The following NRG3 variants were observed in gnomAD, a reference collection of about 807,000 sequenced individuals.
NRG3 encodes the protein pro-neuregulin-3, membrane-bound isoform.
NRG3 carries 31 observed loss-of-function variants against 66.9 expected under a neutral mutation model. The observed-to-expected ratio is 0.46, with a 90% CI of 0.35 to 0.63. The LOEUF is 0.63. Among genes scored for constraint, NRG3 ranks in the 20% least tolerant of loss-of-function variants. NRG3 has a pLI of 0.00. For synonymous variants in NRG3, 393 were observed against 359.4 expected (o/e 1.09, Z -1.06); for missense variants, 910 against 878.9 (o/e 1.04, Z -0.45).
At chr10:82,879,958 CTTTTTTT>C (rs35159008) in intron 4 of NRG3, among the ~76,000 whole-genome samples, 13 of 78,442 alleles carry the variant, frequency 1.7e-4, no homozygotes, top group South Asian at 5.2e-4. Context: ...GATTTCATCC[CTTTTTTT>C]TTTTTTTTTT....
At chr10:82,194,062 C>A (rs1256356619) in intron 1 of NRG3, among the ~76,000 whole-genome samples, 1 of 152,100 alleles carries the variant, frequency 6.6e-6, no homozygotes, top group African/African-American at 2.4e-5. Flanking sequence ...GCCAAGAGAA[C>A]CTTTACCAAG....
intron 1 of NRG3, among the ~76,000 whole-genome samples, chr10:82,216,966 A>G (rs964571112): frequency 2.6e-5 from 4 of 152,202 alleles, no homozygotes; most frequent in Non-Finnish European, 5.9e-5. Context: ...TTGTTTCTGC[A>G]GTTCACTCAT....
At chr10:82,175,228 C>G (rs2072938105) in intron 1 of NRG3, among the ~76,000 whole-genome samples, 1 of 152,150 alleles carries the variant, frequency 6.6e-6, no homozygotes, top group Non-Finnish European at 1.5e-5. Context: ...CAAGCTGCTT[C>G]TTTGCTTGCA....
intron 3 of NRG3, among the ~76,000 whole-genome samples, chr10:82,827,939 C>CT (rs1338196856): frequency 1.3e-5 from 2 of 152,096 alleles, no homozygotes; most frequent in African/African-American, 2.4e-5. Context: ...TTTCTTTGAA[C>CT]TTTTTTTAAT....
intron 1 of NRG3, among the ~76,000 whole-genome samples, chr10:82,287,747 T>G (rs1195027574): frequency 6.6e-6 from 1 of 152,028 alleles, no homozygotes; most frequent in Non-Finnish European, 1.5e-5. Flanking sequence ...GGTGAAGGAG[T>G]GGCCACAGCT....
chr10:82,645,352 A>G (rs547025782), intron 2 of NRG3, among the ~76,000 whole-genome samples: 1 of 152,276 alleles, frequency 6.6e-6, no homozygotes, highest in South Asian at 2.1e-4. Context: ...GCATCAGTGA[A>G]TTTCTAATTC....
chr10:82,090,864 A>G (rs992277363), intron 1 of NRG3, among the ~76,000 whole-genome samples: 1 of 152,172 alleles, frequency 6.6e-6, no homozygotes, highest in Non-Finnish European at 1.5e-5. Flanking sequence ...TTTTGTTTGT[A>G]CACTTACATT....
intron 1 of NRG3, among the ~76,000 whole-genome samples, chr10:81,930,316 A>G (rs985952923): frequency 3.3e-5 from 5 of 152,162 alleles, no homozygotes; most frequent in Admixed American, 6.5e-5. Flanking sequence ...TGAGCTTCCC[A>G]TGACGTTCCT....
intron 1 of NRG3, among the ~76,000 whole-genome samples, chr10:82,204,663 G>A (rs2075028451): frequency 6.6e-6 from 1 of 152,086 alleles, no homozygotes; most frequent in Non-Finnish European, 1.5e-5. Flanking sequence ...AGCCCTGGGG[G>A]TATTACATCA....
intron 2 of NRG3, among the ~76,000 whole-genome samples, chr10:82,733,148 A>G (rs1276640830): frequency 2.0e-5 from 3 of 152,230 alleles, no homozygotes; most frequent in Non-Finnish European, 4.4e-5. Flanking sequence ...AGGTCCAAAG[A>G]AGAAAGTATG....
intron 3 of NRG3, among the ~76,000 whole-genome samples, chr10:82,787,434 T>C (rs551145682): frequency 4.1e-4 from 62 of 152,246 alleles, no homozygotes; most frequent in Non-Finnish European, 6.5e-4. Flanking sequence ...TTATAATGTT[T>C]AGGTAAACAA....
intron 1 of NRG3, among the ~76,000 whole-genome samples, chr10:82,265,056 T>G (rs1418507839): frequency 6.6e-6 from 1 of 152,062 alleles, no homozygotes; most frequent in African/African-American, 2.4e-5. Context: ...ATGAGGGGTG[T>G]GTGTGTATGT....
intron 1 of NRG3, among the ~76,000 whole-genome samples, chr10:82,307,066 A>G (rs947378191): frequency 6.6e-6 from 1 of 151,524 alleles, no homozygotes; most frequent in Non-Finnish European, 1.5e-5. Flanking sequence ...TTTGAAGAAT[A>G]CTCTGTGCAT....
At chr10:82,224,966 T>A (rs2076102758) in intron 1 of NRG3, among the ~76,000 whole-genome samples, 1 of 151,950 alleles carries the variant, frequency 6.6e-6, no homozygotes, top group South Asian at 2.1e-4. Context: ...AATTATTTAT[T>A]ATTTTAATAG....
At chr10:82,570,694 A>C (rs150289719) in intron 2 of NRG3, among the ~76,000 whole-genome samples, 7 of 151,740 alleles carry the variant, frequency 4.6e-5, no homozygotes, top group Middle Eastern at 3.4e-3. Context: ...TTGAGGGGAA[A>C]TTTTGCACTA....
Position 82,664,985 on chromosome 10 carries a change from C to T in NRG3, c.954-73592C>T, listed in dbSNP as rs2052650822. 2.0e-5 allele frequency among the ~76,000 whole-genome samples: 3 copies of T among 152,180 alleles called. No individual in the cohort carries two copies. In the South Asian group the frequency reaches 6.2e-4, roughly 32 times the overall value. On this transcript the variant is annotated intron_variant, in intron 2 of 8. Coordinates refer to ENST00000372141, the MANE Select transcript of NRG3 (RefSeq NM_001010848.4). ...TTCTTTTCATCAATACTCTACAGCT[C>T]ATGATCCATATTCTCCGCCTTCTCA...
chr10:82,023,470 T>C (rs1269652044), intron 1 of NRG3, among the ~76,000 whole-genome samples: 3 of 152,078 alleles, frequency 2.0e-5, no homozygotes, highest in Non-Finnish European at 4.4e-5. Context: ...TTTTCCCTAT[T>C]CAGTAAGATG....
chr10:81,964,892 T>C (rs1318006370), intron 1 of NRG3, among the ~76,000 whole-genome samples: 1 of 152,234 alleles, frequency 6.6e-6, no homozygotes, highest in Non-Finnish European at 1.5e-5. Flanking sequence ...TGTGACTATG[T>C]TTTGTTCATT....
At chr10:82,392,890 A>ATT (rs1469656033) in intron 2 of NRG3, among the ~76,000 whole-genome samples, 19 of 113,006 alleles carry the variant, frequency 1.7e-4, no homozygotes, top group African/African-American at 1.0e-3. Context: ...ATATATATAT[A>ATT]TATATATATT....
Sources: allele counts gnomAD v4.1 joint callset (sites outside exome capture counted in the v4.1 genomes callset), GRCh38; gene constraint gnomAD v4.1.1; transcripts MANE v1.5; gene names NCBI Gene and HGNC (gene_info 2026-07-23, HGNC 2026-07-21).